The following KBTBD12 variants were observed in gnomAD, a reference collection of about 807,000 sequenced individuals.
KBTBD12 encodes the protein kelch repeat and BTB domain containing 12.
In KBTBD12, 53 loss-of-function variants were observed where a neutral mutation model predicts 58.7. The ratio of observed to expected loss-of-function variants is 0.90; its 90% CI spans 0.72 to 1.14. The LOEUF (loss-of-function observed/expected upper bound fraction) is 1.14. Among genes scored for constraint, KBTBD12 ranks in the 50% most tolerant of loss-of-function variants. KBTBD12 has a pLI of 0.00. For synonymous variants in KBTBD12, 236 were observed against 259.8 expected, an observed-to-expected ratio of 0.91 and a Z score of 0.88; for missense variants, 704 against 751.3, an observed-to-expected ratio of 0.94 and a Z score of 0.74.
intron 4 of KBTBD12, among the ~76,000 whole-genome samples, chr3:127,954,560 T>C: frequency 6.6e-6 from 1 of 152,322 alleles, no homozygotes; most frequent in Non-Finnish European, 1.5e-5. Context: ...GAAATGAAAA[T>C]GTGTATTCAT....
At chr3:127,935,520 G>A (rs1939809738) in intron 4 of KBTBD12, among the ~76,000 whole-genome samples, 1 of 152,094 alleles carries the variant, frequency 6.6e-6, no homozygotes, top group South Asian at 2.1e-4. Context: ...CAGCTACTTG[G>A]AAGGCTGAGG....
chr3:127,925,016 C>T lies in KBTBD12; in HGVS notation c.1070+885C>T, dbSNP rs183300902. Among the ~76,000 whole-genome samples, 20 of 152,276 alleles carry T rather than the reference C, an allele frequency of 1.3e-4. 1 individual carries two copies. In the East Asian group the frequency reaches 3.7e-3, roughly 28 times the overall value. ...TCTCTTTTACCATGGTTTGTTCAGA[C>T]ATTTCAGTCAGAAAGTAATTCTTAG... On this transcript the variant is annotated intron_variant, in intron 2 of 5. Transcript: ENST00000405109.
At position 127,966,481 on chromosome 3, in the gene KBTBD12, G is replaced by A. The variant is rs528603614; in HGVS notation, c.1690+3095G>A. Among the ~76,000 whole-genome samples the A allele has an allele frequency of 3.3e-5, 5 of 152,166 alleles. 1 individual carries two copies. The South Asian group carries it at 1.0e-3, about 31-fold the overall frequency. ...TATTGCATCAATAGAACAGGAAAAG[G>A]ATATTTAAAACATTTCTTGGAAATT... On this transcript the variant is annotated intron_variant, in intron 5 of 5. Coordinates refer to ENST00000405109, the MANE Select transcript of KBTBD12 (RefSeq NM_207335.4).
At chr3:127,957,626 G>A (rs1416761090) in intron 4 of KBTBD12, among the ~76,000 whole-genome samples, 1 of 151,834 alleles carries the variant, frequency 6.6e-6, no homozygotes, top group Admixed American at 6.6e-5. Flanking sequence ...ATCACTTTCT[G>A]TTTTGACCGC....
chr3:127,956,662 A>C (rs1940327179), intron 4 of KBTBD12, among the ~76,000 whole-genome samples: 1 of 152,306 alleles, frequency 6.6e-6, no homozygotes, highest in South Asian at 2.1e-4. Context: ...TGGATGAGAA[A>C]TATCCTAGGA....
chr3:127,971,162 C>A (rs1420376326), intron 5 of KBTBD12, among the ~76,000 whole-genome samples: 2 of 152,054 alleles, frequency 1.3e-5, no homozygotes, highest in African/African-American at 4.8e-5. Context: ...ACAGTGGTGG[C>A]AGATGACACC....
rs929104729 is a variant in KBTBD12, at chr3:127,915,445, C to G, written c.-254C>G. The G allele has an allele frequency of 6.5e-6, 1 of 152,696 alleles. No individual in the cohort carries two copies. The highest frequency in any genetic ancestry group is 2.4e-5 in the African/African-American group (1 of 41,488). 9.5% of individuals were successfully genotyped at this position (152,696 alleles called of 1,614,324 possible). A position where few individuals can be genotyped will look rare whatever the true frequency, so the allele number is the denominator to read the frequency against. On this transcript the variant is annotated 5_prime_UTR_variant, in exon 1 of 6. Coordinates refer to ENST00000405109, the MANE Select transcript of KBTBD12 (RefSeq NM_207335.4). ...TCCTCCTCCGCAGGGCGCGGGACCT[C>G]TATTTATATCGCCCAGCCAGCACAG... is the stretch of plus-strand genomic sequence containing the variant.
intron 5 of KBTBD12, among the ~76,000 whole-genome samples, chr3:127,969,379 T>C (rs1940643284): frequency 6.6e-6 from 1 of 152,098 alleles, no homozygotes; most frequent in Non-Finnish European, 1.5e-5. Flanking sequence ...GTACAGGATT[T>C]GTACACTGAA....
chr3:127,967,671 T>A (rs928042693), intron 5 of KBTBD12, among the ~76,000 whole-genome samples: 1 of 152,212 alleles, frequency 6.6e-6, no homozygotes, highest in African/African-American at 2.4e-5. Flanking sequence ...AGGGAACAAC[T>A]GTTTTTAAGG....
chr3:127,978,602 G>A (rs1940823297), intron 5 of KBTBD12, among the ~76,000 whole-genome samples: 1 of 152,142 alleles, frequency 6.6e-6, no homozygotes, highest in Admixed American at 6.5e-5. Flanking sequence ...TCAGACAGGG[G>A]GAATTTTTTC....
chr3:127,927,836 C>A lies in KBTBD12; in HGVS notation c.1143C>A (p.Gly381=). The change falls in exon 3 of 6, where the codon GGC becomes GGA. Residue 381 remains glycine, a synonymous_variant. Transcript: ENST00000405109. ...TAEFRELYAL[G]SIHNDLYVIG... ...AATTTCGAGAACTCTATGCTCTGGG[C>A]AGTATTCATAATGACCTTTATGTTA... 6.2e-7 allele frequency: 1 copy of A among 1,610,754 alleles called. No individual in the cohort carries two copies. The highest frequency in any genetic ancestry group is 8.5e-7 in the Non-Finnish European group (1 of 1,178,282).
intron 4 of KBTBD12, among the ~76,000 whole-genome samples, chr3:127,930,939 T>A (rs1939686825): frequency 1.3e-5 from 2 of 152,146 alleles, no homozygotes; most frequent in Non-Finnish European, 2.9e-5. Flanking sequence ...GTTAAGTCCT[T>A]AGCTCTTTTA....
intron 4 of KBTBD12, among the ~76,000 whole-genome samples, chr3:127,931,217 T>C (rs1939693027): frequency 6.6e-6 from 1 of 152,048 alleles, no homozygotes; most frequent in Admixed American, 6.6e-5. Context: ...ATGATTTTTT[T>C]TTTACTGAAG....
intron 1 of KBTBD12, among the ~76,000 whole-genome samples, chr3:127,919,480 G>A (rs1224995973): frequency 6.6e-6 from 1 of 152,134 alleles, no homozygotes; most frequent in Non-Finnish European, 1.5e-5. Flanking sequence ...CACCCACCTC[G>A]GCCTCCCAAA....
intron 4 of KBTBD12, among the ~76,000 whole-genome samples, chr3:127,957,681 C>A (rs1413986139): frequency 6.6e-6 from 1 of 152,106 alleles, no homozygotes; most frequent in Non-Finnish European, 1.5e-5. Flanking sequence ...AAAAAAGATA[C>A]CTAGGACATG....
rs1940938987 is a variant in KBTBD12, at chr3:127,984,898, T to A, written c.*620T>A. 6.6e-6 allele frequency: 1 copy of A among 152,306 alleles called. No homozygotes were observed. Among genetic ancestry groups the A allele is most frequent in the Non-Finnish European group, 1.5e-5 (1 of 68,120 alleles). 9.4% of individuals were successfully genotyped at this position (152,306 alleles called of 1,614,324 possible). On this transcript the variant is annotated 3_prime_UTR_variant, in exon 6 of 6. Coordinates refer to ENST00000405109, the MANE Select transcript of KBTBD12 (RefSeq NM_207335.4). Reference sequence around the variant, plus strand: ...CTGTGCTCTGTTCCAGCTTCAGTCTTATAAACACTGACCATTCTCCTTCAG... The same window carrying A: ...CTGTGCTCTGTTCCAGCTTCAGTCTAATAAACACTGACCATTCTCCTTCAG...
intron 4 of KBTBD12, among the ~76,000 whole-genome samples, chr3:127,943,175 G>A (rs1305794154): frequency 6.6e-6 from 1 of 152,114 alleles, no homozygotes; most frequent in African/African-American, 2.4e-5. Context: ...TCTCTTTGAG[G>A]TACTGATTTC....
chr3:127,941,245 A>G (rs530041155), intron 4 of KBTBD12, among the ~76,000 whole-genome samples: 5 of 152,322 alleles, frequency 3.3e-5, no homozygotes, highest in African/African-American at 7.2e-5. Context: ...CTACAGATCA[A>G]TATCACTCTT....
Position 127,927,891 on chromosome 3 carries a change from T to C in KBTBD12, c.1198T>C (p.Tyr400His). Reference protein sequence around the residue: ...IGGQMKIKNQYLITNCVDKYS... With the variant: ...IGGQMKIKNQHLITNCVDKYS... The stretch of plus-strand genomic sequence containing the variant: ...AGGACAGATGAAAATTAAAAACCAG[T>C]ATCTTATTACAAACTGTGTTGATAA... The change falls in exon 3 of 6, where the codon TAT (tyrosine) becomes CAT (histidine). Residue 400 changes from tyrosine (Y) to histidine (H), a missense_variant. Coordinates refer to ENST00000405109, the MANE Select transcript of KBTBD12 (RefSeq NM_207335.4). 1 of 1,613,524 alleles carries C rather than the reference T, an allele frequency of 6.2e-7. No homozygotes were observed.
Sources: gnomAD v4.1 joint callset for allele counts (sites outside exome capture counted in the v4.1 genomes callset) on GRCh38, gnomAD v4.1.1 for gene constraint, MANE v1.5 for transcripts, NCBI Gene and HGNC (gene_info 2026-07-23, HGNC 2026-07-21) for gene names.